Variants in DLG2 observed in about 807,000 individuals in gnomAD.
DLG2 encodes discs large MAGUK scaffold protein 2, also known as disks large homolog 2.
In DLG2, 45 loss-of-function variants were observed where a neutral mutation model predicts 132.5. The observed-to-expected ratio is 0.34, with a 90% confidence interval of 0.27 to 0.44. The LOEUF is 0.44. Ranked by LOEUF, DLG2 falls within the 20% of genes least tolerant of loss-of-function variation. DLG2 has a pLI of 1.00. For synonymous variants in DLG2, 424 were observed against 419.6 expected (o/e 1.01, Z -0.13); for missense variants, 1,045 against 1,196.9 (o/e 0.87, Z 1.87).
chr11:85,382,737 G>C (rs2085994932), intron 3 of DLG2, among the ~76,000 whole-genome samples: 2 of 152,088 alleles, frequency 1.3e-5, no homozygotes, highest in Non-Finnish European at 2.9e-5. Context: ...CACATGAAAA[G>C]ATGTTCAACA....
chr11:84,812,346 G>C (rs1031848612), intron 6 of DLG2, among the ~76,000 whole-genome samples: 1 of 152,128 alleles, frequency 6.6e-6, no homozygotes, highest in Non-Finnish European at 1.5e-5. Context: ...ATACTGTGTG[G>C]ATTGATGCCT....
chr11:84,728,593 T>C (rs555859500), intron 6 of DLG2, among the ~76,000 whole-genome samples: 7 of 152,334 alleles, frequency 4.6e-5, no homozygotes, highest in African/African-American at 1.7e-4. Flanking sequence ...ATCAGGATGA[T>C]GCTGGCCTCA....
intron 6 of DLG2, among the ~76,000 whole-genome samples, chr11:85,080,475 A>T (rs999869920): frequency 6.6e-6 from 1 of 152,170 alleles, no homozygotes; most frequent in African/African-American, 2.4e-5. Context: ...TAATTTAGAC[A>T]GAGGAAAAAT....
chr11:83,464,722 C>G (rs1177992037), intron 26 of DLG2, among the ~76,000 whole-genome samples: 2 of 152,198 alleles, frequency 1.3e-5, no homozygotes, highest in African/African-American at 2.4e-5. Flanking sequence ...CCAGATGGGA[C>G]TGTCTCCTAA....
intron 19 of DLG2, among the ~76,000 whole-genome samples, chr11:83,629,778 T>C (rs1291255318): frequency 1.3e-5 from 2 of 152,154 alleles, no homozygotes; most frequent in African/African-American, 4.8e-5. Context: ...AGCCTCAAAA[T>C]ACACGCAATA....
At chr11:83,460,381 T>C (rs574670582) in intron 27 of DLG2, among the ~76,000 whole-genome samples, 3 of 152,278 alleles carry the variant, frequency 2.0e-5, no homozygotes, top group South Asian at 4.1e-4. Flanking sequence ...GAGGAAATAA[T>C]GAAGATTTTA....
chr11:84,426,930 A>G (rs898953814), intron 7 of DLG2, among the ~76,000 whole-genome samples: 42 of 152,172 alleles, frequency 2.8e-4, no homozygotes, highest in African/African-American at 1.0e-3. Context: ...AGGAGGATCT[A>G]GAAAATTATT....
chr11:84,474,196 T>C (rs757129647), intron 7 of DLG2, among the ~76,000 whole-genome samples: 1 of 152,028 alleles, frequency 6.6e-6, no homozygotes, highest in Non-Finnish European at 1.5e-5. Flanking sequence ...CCTCTCCTTA[T>C]TATAAACAGT....
intron 14 of DLG2, among the ~76,000 whole-genome samples, chr11:83,945,985 C>CTT (rs1343154911): frequency 0.026 from 3,140 of 122,748 alleles, 58 homozygotes; most frequent in East Asian, 0.12. Context: ...TTCTCTTTCT[C>CTT]TCTCTCTCTT....
At chr11:83,865,091 C>G (rs1284026073) in intron 16 of DLG2, among the ~76,000 whole-genome samples, 1 of 152,152 alleles carries the variant, frequency 6.6e-6, no homozygotes, top group Non-Finnish European at 1.5e-5. Flanking sequence ...CACCAGAAAA[C>G]CCCTCTGACC....
intron 15 of DLG2, among the ~76,000 whole-genome samples, chr11:83,907,772 T>C (rs2154107320): frequency 6.6e-6 from 1 of 152,296 alleles, no homozygotes; most frequent in Middle Eastern, 3.4e-3. Context: ...TAAGCAAGCC[T>C]GAGTTCCTTC....
intron 11 of DLG2, among the ~76,000 whole-genome samples, chr11:84,054,988 A>C (rs1292834226): frequency 6.6e-6 from 1 of 152,100 alleles, no homozygotes; most frequent in African/African-American, 2.4e-5. Flanking sequence ...ATTAAGATTA[A>C]TAAAAAGGAA....
intron 19 of DLG2, among the ~76,000 whole-genome samples, chr11:83,583,771 T>C (rs542136294): frequency 1.3e-5 from 2 of 152,342 alleles, no homozygotes; most frequent in South Asian, 4.1e-4. Flanking sequence ...TGTTGTTCAA[T>C]TGATATGTTT....
chr11:83,492,223 G>T (rs1366919019), intron 21 of DLG2, among the ~76,000 whole-genome samples: 6 of 152,028 alleles, frequency 3.9e-5, no homozygotes, highest in Admixed American at 2.0e-4. Context: ...ATCTTACTCT[G>T]TTGATCTTCC....
chr11:85,444,425 T>G (rs913573838), intron 3 of DLG2, among the ~76,000 whole-genome samples: 3 of 152,196 alleles, frequency 2.0e-5, no homozygotes, highest in Non-Finnish European at 1.5e-5. Flanking sequence ...TCAGTTTGTT[T>G]TCAGGATAAT....
At chr11:84,820,321 A>G (rs1014420132) in intron 6 of DLG2, among the ~76,000 whole-genome samples, 4 of 151,766 alleles carry the variant, frequency 2.6e-5, no homozygotes, top group Non-Finnish European at 5.9e-5. Context: ...TTAACTCTCA[A>G]TTGAACTATA....
At chr11:83,626,052 T>G (rs2062469727) in intron 19 of DLG2, among the ~76,000 whole-genome samples, 1 of 152,196 alleles carries the variant, frequency 6.6e-6, no homozygotes, top group African/African-American at 2.4e-5. Context: ...CATAATGCAC[T>G]AGAGCTATGA....
intron 6 of DLG2, among the ~76,000 whole-genome samples, chr11:84,755,832 T>C (rs2153837320): frequency 6.6e-6 from 1 of 152,240 alleles, no homozygotes; most frequent in Middle Eastern, 3.4e-3. Context: ...AGGGTGAAAA[T>C]AAAGGTCACT....
At chr11:84,996,740 T>A (rs893838577) in intron 6 of DLG2, among the ~76,000 whole-genome samples, 12 of 152,194 alleles carry the variant, frequency 7.9e-5, no homozygotes, top group African/African-American at 2.7e-4. Context: ...CACACCACTA[T>A]CTGATTTACA....
Sources: allele counts gnomAD v4.1 joint callset (sites outside exome capture counted in the v4.1 genomes callset), GRCh38; gene constraint gnomAD v4.1.1; transcripts MANE v1.5; gene names NCBI Gene and HGNC (gene_info 2026-07-23, HGNC 2026-07-21).